Variants in ARHGEF2 observed in about 807,000 individuals in gnomAD.
ARHGEF2 encodes Rho/Rac guanine nucleotide exchange factor 2, also known as rho guanine nucleotide exchange factor 2.
A neutral mutation model predicts 121.0 loss-of-function variants in ARHGEF2; 22 were observed. That is an observed-to-expected ratio of 0.18 (90% CI 0.13 to 0.26). The LOEUF is 0.26. Among genes scored for constraint, ARHGEF2 ranks in the 10% least tolerant of loss-of-function variants. ARHGEF2 has a pLI of 1.00. For missense variants in ARHGEF2, 907 were observed against 1,336.0 expected (o/e 0.68, Z 5.01); for synonymous variants, 487 against 530.0 (o/e 0.92, Z 1.11).
Position 155,978,505 on chromosome 1 carries a change from T to C in ARHGEF2, c.-78A>G, listed in dbSNP as rs1681755076. ...TGTTGGGGGAAGGCGGGGGGAGGGGTTCGGCCCGCACGCGTTGGTCTCGGG... is the reference window on the plus strand; with the variant it reads ...TGTTGGGGGAAGGCGGGGGGAGGGGCTCGGCCCGCACGCGTTGGTCTCGGG... On this transcript the variant is annotated 5_prime_UTR_variant, in exon 1 of 22. Coordinates refer to ENST00000361247, the MANE Select transcript of ARHGEF2 (RefSeq NM_001162383.2). This position sits in a 1 kb window ranked among gnomAD's most constrained non-coding sequence, Gnocchi z 4.1. 1.5e-6 allele frequency: 2 copies of C among 1,330,786 alleles called. No individual in the cohort carries two copies. Among genetic ancestry groups the C allele is most frequent in the Non-Finnish European group, 9.7e-7 (1 of 1,026,616 alleles). 82.4% of individuals were successfully genotyped at this position (1,330,786 alleles called of 1,614,324 possible). A position where few individuals can be genotyped will look rare whatever the true frequency, so the allele number is the denominator to read the frequency against.
chr1:155,960,533 T>C (rs1251097276), intron 11 of ARHGEF2, among the ~76,000 whole-genome samples: 1 of 151,842 alleles, frequency 6.6e-6, no homozygotes, highest in Non-Finnish European at 1.5e-5. Flanking sequence ...TTTACTAAAC[T>C]GTGGGCACAC....
At chr1:155,958,831 G>A (rs769000588) in intron 11 of ARHGEF2, among the ~76,000 whole-genome samples, 4 of 148,090 alleles carry the variant, frequency 2.7e-5, no homozygotes, top group Non-Finnish European at 4.4e-5. Flanking sequence ...CACCAGTTTC[G>A]GCCTCCCAAA....
chr1:155,966,569 GC>G (rs1440552040), intron 3 of ARHGEF2, 90 bp from the exon 4 acceptor site: 24 of 1,415,538 alleles, frequency 1.7e-5, no homozygotes, highest in Non-Finnish European at 2.2e-5. Flanking sequence ...TAGGTGGCCG[GC>G]CCCCTTAGGA....
intron 1 of ARHGEF2, chr1:155,977,957 T>G: frequency 2.5e-6 from 1 of 403,354 alleles, no homozygotes; most frequent in South Asian, 1.0e-4. Context: ...TGATGGGGGG[T>G]CGCCACGCCA....
At position 155,962,262 on chromosome 1, in the gene ARHGEF2, G is replaced by C; in HGVS notation, c.1102-40C>G. The C allele has an allele frequency of 1.2e-4, 182 of 1,579,902 alleles. No homozygotes were observed. Among genetic ancestry groups the C allele is most frequent in the Middle Eastern group, 1.7e-4 (1 of 5,954 alleles). Reference sequence around the variant, plus strand: ...GCAGGGCTCAGGGCCAGAGGGGAGGGCAACAGAAAGGCCTGGGGCCTGAGC... The same window carrying C: ...GCAGGGCTCAGGGCCAGAGGGGAGGCCAACAGAAAGGCCTGGGGCCTGAGC... On this transcript the variant is annotated intron_variant, in intron 9 of 21. Coordinates refer to ENST00000361247, the MANE Select transcript of ARHGEF2 (RefSeq NM_001162383.2). The surrounding 1 kb of genome is among the most constrained non-coding windows in gnomAD (Gnocchi z 5.8).
chr1:155,952,254 A>G lies in ARHGEF2; in HGVS notation c.1985-19T>C, dbSNP rs1422047331. 6.2e-7 allele frequency: 1 copy of G among 1,613,350 alleles called. No individual in the cohort carries two copies. Among genetic ancestry groups the G allele is most frequent in the Non-Finnish European group, 8.5e-7 (1 of 1,179,970 alleles). The stretch of plus-strand genomic sequence containing the variant: ...CCCTCCACTGTGGGGAAAGAGGAAG[A>G]GGTGAGAACAGGAATGACACAGGAC... On this transcript the variant is annotated intron_variant, in intron 15 of 21. Coordinates refer to ENST00000361247, the MANE Select transcript of ARHGEF2 (RefSeq NM_001162383.2).
At chr1:155,948,745 C>G (rs1487452903) in intron 21 of ARHGEF2, among the ~76,000 whole-genome samples, 7 of 152,156 alleles carry the variant, frequency 4.6e-5, no homozygotes, top group African/African-American at 1.7e-4. Context: ...AGTCCAGCCT[C>G]GGCAACAGCA....
chr1:155,967,883 C>G (rs1679731124), intron 2 of ARHGEF2, among the ~76,000 whole-genome samples: 1 of 152,140 alleles, frequency 6.6e-6, no homozygotes, highest in Non-Finnish European at 1.5e-5. Flanking sequence ...ATACCCAGCA[C>G]CACGCTCACT....
At chr1:155,952,881 C>T (rs1315840399) in intron 14 of ARHGEF2, 53 bp from the exon 15 acceptor site, 35 of 1,581,974 alleles carry the variant, frequency 2.2e-5, no homozygotes, top group Non-Finnish European at 2.6e-5. Flanking sequence ...TATGCAAGAG[C>T]GCCAGTAGAG....
rs745939361 is a variant in ARHGEF2, at chr1:155,950,422, A to G, written c.2764T>C (p.Phe922Leu). ...AGTTCCTGCCTCTCTCGGTCCTCAA[A>G]GTTTCGATGGACAGAGCGAGTAGTG... ...PVTTRSVHRNFEDRERQELGS... is the reference protein window; with the variant it reads ...PVTTRSVHRNLEDRERQELGS... Residue 922 changes from phenylalanine (F) to leucine (L), a missense_variant, in exon 21 of 22, where the codon TTT (phenylalanine) becomes CTT (leucine). Physicochemically the swap from Phe to Leu is conservative, Grantham distance 22. Coordinates refer to ENST00000361247, the MANE Select transcript of ARHGEF2 (RefSeq NM_001162383.2). This position sits in a 1 kb window ranked among gnomAD's most constrained non-coding sequence, Gnocchi z 5.2. The G allele has an allele frequency of 5.0e-6, 8 of 1,613,938 alleles. No homozygotes were observed. The highest frequency in any genetic ancestry group is 6.8e-6 in the Non-Finnish European group (8 of 1,180,046).
At position 155,950,861 on chromosome 1, in the gene ARHGEF2, C is replaced by T. The variant is rs767282425; in HGVS notation, c.2671G>A (p.Asp891Asn). ...DPRRRSLPAGDALYLSFNPPQ... is the reference protein window; with the variant it reads ...DPRRRSLPAGNALYLSFNPPQ... Reference sequence around the variant, plus strand: ...GGGTTGAAACTCAAGTACAGGGCATCGCCTGCGGGGAGGCTGCGCCGCCGA... The same window carrying T: ...GGGTTGAAACTCAAGTACAGGGCATTGCCTGCGGGGAGGCTGCGCCGCCGA... The change falls in exon 20 of 22, where the codon GAT becomes AAT. Residue 891 changes from aspartate to asparagine, a missense_variant. Transcript: ENST00000361247. The surrounding 1 kb of genome is among the most constrained non-coding windows in gnomAD (Gnocchi z 5.2). 11 of 1,542,370 alleles carry T rather than the reference C, an allele frequency of 7.1e-6. No individual in the cohort carries two copies. Among genetic ancestry groups the T allele is most frequent in the South Asian group, 1.3e-5 (1 of 79,142 alleles).
In ARHGEF2 at chr1:155,950,068, GAATCTGTTTTTACTTCT is replaced by G. The variant is rs1675101850; in HGVS notation, c.2887+214_2887+230del. Among the ~76,000 whole-genome samples, 1 of 152,080 alleles carries G rather than the reference GAATCTGTTTTTACTTCT, an allele frequency of 6.6e-6. No homozygotes were observed. The highest frequency in any genetic ancestry group is 6.6e-5 in the Admixed American group (1 of 15,256). The stretch of plus-strand genomic sequence containing the variant: ...TGAGCCGCCATGCCTTTTTAAAAAA[GAATCTGTTTTTACTTCT>G]AAAGGTTGGGAATCACCAACCAGTT... On this transcript the variant is annotated intron_variant, in intron 21 of 21. Coordinates refer to ENST00000361247, the MANE Select transcript of ARHGEF2 (RefSeq NM_001162383.2). The surrounding 1 kb of genome is among the most constrained non-coding windows in gnomAD (Gnocchi z 5.2).
intron 1 of ARHGEF2, chr1:155,970,689 G>A (rs1008089324): frequency 5.1e-6 from 5 of 985,928 alleles, no homozygotes; most frequent in African/African-American, 3.5e-5. Context: ...CTGAGAGGTG[G>A]AGGAGGGGAA....
rs775825798 is a variant in ARHGEF2 at position 155,962,563 on chromosome 1, T to G, written c.1101+30A>C. On this transcript the variant is annotated intron_variant, in intron 9 of 21. Transcript: ENST00000361247. This position sits in a 1 kb window ranked among gnomAD's most constrained non-coding sequence, Gnocchi z 5.8. ...AGTTGGGGAGGGTGGGTTTGGGCCA[T>G]GAGCATGGGATCTGGAGAGGTCCGC... 6.8e-6 allele frequency: 11 copies of G among 1,610,872 alleles called. No individual in the cohort carries two copies. The highest frequency in any genetic ancestry group is 9.3e-6 in the Non-Finnish European group (11 of 1,179,176).
rs890796943 is a variant in ARHGEF2, at chr1:155,961,701, A to T, written c.1428T>A (p.Asp476Glu). Residue 476 changes from aspartate to glutamate, a missense_variant, in exon 11 of 22, where the codon GAT (aspartate) becomes GAA (glutamate). Physicochemically the swap from Asp to Glu is conservative, Grantham distance 45 (BLOSUM62 2). Coordinates refer to ENST00000361247, the MANE Select transcript of ARHGEF2 (RefSeq NM_001162383.2). This position sits in a 1 kb window ranked among gnomAD's most constrained non-coding sequence, Gnocchi z 4.7. ...TCGCTGTCTTCCAGAGCAGGCAGCC[A>T]TCGTGGATGAGTTTGCGCCTCAGAA... ...EELLRRKLIH[D>E]GCLLWKTATG... The T allele has an allele frequency of 6.2e-7, 1 of 1,611,644 alleles. No homozygotes were observed. The highest frequency in any genetic ancestry group is 8.5e-7 in the Non-Finnish European group (1 of 1,178,386).
chr1:155,955,557 C>T (rs532444740), intron 13 of ARHGEF2, among the ~76,000 whole-genome samples: 6 of 152,194 alleles, frequency 3.9e-5, no homozygotes, highest in Non-Finnish European at 8.8e-5. Context: ...ATCCTGGCTC[C>T]ACTGTTTACC....
rs1355717628 is a variant in ARHGEF2 at position 155,974,819 on chromosome 1, G to A, written c.63+3546C>T. ...GCCTGCCCCCTACGCGGCCACACCT[G>A]TCAGGCCAGGAGAGAGAGACAAGCA... On this transcript the variant is annotated intron_variant, in intron 1 of 21. Transcript: ENST00000361247. 2.0e-5 allele frequency among the ~76,000 whole-genome samples: 3 copies of A among 150,586 alleles called. No homozygotes were observed. In the Admixed American group the frequency reaches 2.0e-4, roughly 10 times the overall value.
intron 7 of ARHGEF2, 142 bp downstream of exon 7, chr1:155,964,846 T>A: frequency 1.1e-6 from 1 of 906,192 alleles, no homozygotes; most frequent in Admixed American, 3.1e-5. Flanking sequence ...TGAGCCGAGA[T>A]CATGCCACTG....
Position 155,947,315 on chromosome 1 carries a change from C to A in ARHGEF2, c.*627G>T, listed in dbSNP as rs900086176. On this transcript the variant is annotated 3_prime_UTR_variant, in exon 22 of 22. Coordinates refer to ENST00000361247, the MANE Select transcript of ARHGEF2 (RefSeq NM_001162383.2). ...GTTTTTTCCCTCACCCCCAACAAAC[C>A]ATTATGGCCACCCCAACCTTTATTC... 8 of 455,858 alleles carry A rather than the reference C, an allele frequency of 1.8e-5. No homozygotes were observed. Among genetic ancestry groups the A allele is most frequent in the African/African-American group, 1.4e-4 (7 of 50,136 alleles). 28.2% of individuals were successfully genotyped at this position (455,858 alleles called of 1,614,324 possible). A position where few individuals can be genotyped will look rare whatever the true frequency, so the allele number is the denominator to read the frequency against.
Sources: allele counts gnomAD v4.1 joint callset (sites outside exome capture counted in the v4.1 genomes callset), GRCh38; gene constraint gnomAD v4.1.1; non-coding constraint Gnocchi (gnomAD v3.1); transcripts MANE v1.5; gene names NCBI Gene and HGNC (gene_info 2026-07-23, HGNC 2026-07-21).